The following TXNDC16 variants were observed in gnomAD, a reference collection of about 807,000 sequenced individuals.
TXNDC16 encodes thioredoxin domain containing 16.
Under a neutral mutation model 85.6 loss-of-function variants are expected in TXNDC16, and 74 were observed. That is an observed-to-expected ratio of 0.86 (90% CI 0.72 to 1.05). The LOEUF is 1.05. TXNDC16 is among the 50% of genes least tolerant of loss of function. The probability of loss-of-function intolerance (pLI) is 0.00; values close to 1 mark genes in which losing one functional copy is unlikely to be tolerated. For missense variants in TXNDC16, 959 were observed against 947.0 expected (o/e 1.01, Z -0.17); for synonymous variants, 335 against 326.5 (o/e 1.03, Z -0.28).
At chr14:52,455,295 G>T (rs1188890177) in intron 18 of TXNDC16, 29 bp downstream of exon 18, 2 of 1,611,006 alleles carry the variant, frequency 1.2e-6, no homozygotes, top group Admixed American at 1.7e-5. Context: ...TTTATTTCAA[G>T]TATCACCCTT....
At chr14:52,505,745 G>C (rs527816482) in intron 9 of TXNDC16, among the ~76,000 whole-genome samples, 1 of 152,192 alleles carries the variant, frequency 6.6e-6, no homozygotes, top group African/African-American at 2.4e-5. Context: ...GAAGGAGAGA[G>C]ACACAAAAAA....
intron 16 of TXNDC16, chr14:52,462,761 C>A (rs2035681680): frequency 2.7e-6 from 1 of 365,058 alleles, no homozygotes; most frequent in African/African-American, 2.1e-5. Flanking sequence ...AAATGTACTT[C>A]TAAAGTGTAG....
intron 18 of TXNDC16, among the ~76,000 whole-genome samples, chr14:52,454,762 G>A (rs1459278999): frequency 6.6e-6 from 1 of 151,798 alleles, no homozygotes; most frequent in South Asian, 2.1e-4. Flanking sequence ...GTTGCAGAGA[G>A]CTGAGATCAC....
intron 9 of TXNDC16, among the ~76,000 whole-genome samples, chr14:52,500,381 G>C (rs1201356735): frequency 6.6e-6 from 1 of 152,188 alleles, no homozygotes; most frequent in South Asian, 2.1e-4. Flanking sequence ...ATAACTCAGT[G>C]TATATGTGGT....
intron 9 of TXNDC16, among the ~76,000 whole-genome samples, chr14:52,502,403 A>AATGC (rs1189031538): frequency 2.7e-5 from 4 of 150,690 alleles, no homozygotes; most frequent in Non-Finnish European, 5.9e-5. Context: ...ACAACTCTAC[A>AATGC]AAGTACCATT....
intron 11 of TXNDC16, among the ~76,000 whole-genome samples, chr14:52,489,734 C>T (rs2140153074): frequency 6.6e-6 from 1 of 152,290 alleles, no homozygotes; most frequent in Admixed American, 6.5e-5. Flanking sequence ...AGAACATCAT[C>T]AGCACAACCA....
At chr14:52,505,505 C>T (rs1021088213) in intron 9 of TXNDC16, among the ~76,000 whole-genome samples, 1 of 152,178 alleles carries the variant, frequency 6.6e-6, no homozygotes, top group African/African-American at 2.4e-5. Flanking sequence ...ATAAAGATGT[C>T]TTTGAAACCA....
chr14:52,484,200 G>A (rs992988803), intron 12 of TXNDC16, among the ~76,000 whole-genome samples: 1 of 92,716 alleles, frequency 1.1e-5, no homozygotes, highest in Non-Finnish European at 2.1e-5. Context: ...AAACAATAAG[G>A]GGGGGGGGTG....
chr14:52,455,434 C>A lies in TXNDC16; in HGVS notation c.1732G>T (p.Ala578Ser). The change falls in exon 18 of 21, where the codon GCC becomes TCC. Residue 578 changes from alanine to serine, a missense_variant. Transcript: ENST00000281741. The part of the protein sequence containing the change: ...LSTKYAASLP[A>S]LLLARHTEGK... ...TCTGTGTGTCTGGCAAGCAGCAGGG[C>A]TGGAAGACTTGCAGCATATTTGGTT... 6.2e-7 allele frequency: 1 copy of A among 1,613,974 alleles called. No individual in the cohort carries two copies. Among genetic ancestry groups the A allele is most frequent in the Non-Finnish European group, 8.5e-7 (1 of 1,179,936 alleles).
At chr14:52,522,273 T>C (rs1422527286) in intron 6 of TXNDC16, among the ~76,000 whole-genome samples, 1 of 152,204 alleles carries the variant, frequency 6.6e-6, no homozygotes, top group Non-Finnish European at 1.5e-5. Context: ...CTGGCAAATA[T>C]TTATTAGGTA....
chr14:52,524,031 A>G (rs2037270275), intron 6 of TXNDC16, among the ~76,000 whole-genome samples: 2 of 152,256 alleles, frequency 1.3e-5, no homozygotes, highest in Admixed American at 1.3e-4. Context: ...TTCCCAGTAA[A>G]AAGTATGTCA....
At chr14:52,507,322 A>G (rs574018786) in intron 9 of TXNDC16, among the ~76,000 whole-genome samples, 1 of 152,154 alleles carries the variant, frequency 6.6e-6, no homozygotes, top group South Asian at 2.1e-4. Context: ...CAATTGCTTC[A>G]AAGAGAATAA....
At chr14:52,538,052 T>G (rs2037744106) in intron 4 of TXNDC16, among the ~76,000 whole-genome samples, 1 of 152,176 alleles carries the variant, frequency 6.6e-6, no homozygotes, top group Non-Finnish European at 1.5e-5. Context: ...CCACCCAAAA[T>G]CCATCCTTCC....
chr14:52,454,680 G>A (rs1340699267), intron 18 of TXNDC16, among the ~76,000 whole-genome samples: 1 of 144,946 alleles, frequency 6.9e-6, no homozygotes, highest in Non-Finnish European at 1.5e-5. Context: ...GCCAGGTGTA[G>A]TAGTGAGCGC....
chr14:52,514,865 G>T lies in TXNDC16; in HGVS notation c.605+15C>A. 2 of 1,566,806 alleles carry T rather than the reference G, an allele frequency of 1.3e-6. No individual in the cohort carries two copies. Among genetic ancestry groups the T allele is most frequent in the Non-Finnish European group, 8.7e-7 (1 of 1,153,772 alleles). On this transcript the variant is annotated intron_variant, in intron 8 of 20. Transcript: ENST00000281741. Reference sequence around the variant, plus strand: ...AAAAACCTTTAAATTGTTGACATATGCTTTTTATACATACCCAATACTTTC... The same window carrying T: ...AAAAACCTTTAAATTGTTGACATATTCTTTTTATACATACCCAATACTTTC...
At chr14:52,519,408 A>C in intron 6 of TXNDC16, 115 bp from the exon 7 acceptor site, 3 of 734,842 alleles carry the variant, frequency 4.1e-6, no homozygotes, top group South Asian at 2.0e-5. Flanking sequence ...ATAAATTATC[A>C]GTAGTAATAA....
Position 52,462,488 on chromosome 14 carries a change from T to C in TXNDC16, c.1619-5314A>G, listed in dbSNP as rs554594345. 5.3e-5 allele frequency among the ~76,000 whole-genome samples: 8 copies of C among 152,350 alleles called. No individual in the cohort carries two copies. The East Asian group carries it at 1.5e-3, about 29-fold the overall frequency. The stretch of plus-strand genomic sequence containing the variant: ...TGCCACCATGCCTGGCTAATTTTTG[T>C]ATTTTTAGTAGAGACAGGGTTTCAC... On this transcript the variant is annotated intron_variant, in intron 16 of 20. Coordinates refer to ENST00000281741, the MANE Select transcript of TXNDC16 (RefSeq NM_020784.3).
At chr14:52,486,037 A>G (rs716558) in intron 12 of TXNDC16, among the ~76,000 whole-genome samples, 22,160 of 152,046 alleles carry the variant, frequency 0.15, 1,665 homozygotes, top group African/African-American at 0.16. Context: ...ACCAAATTCC[A>G]TGACACTAAA....
chr14:52,438,004 A>G (rs1481763250), intron 20 of TXNDC16, among the ~76,000 whole-genome samples: 1 of 152,196 alleles, frequency 6.6e-6, no homozygotes, highest in East Asian at 1.9e-4. Flanking sequence ...CAGATGGGGT[A>G]TAAATAACAA....
Sources: allele counts gnomAD v4.1 joint callset (sites outside exome capture counted in the v4.1 genomes callset), GRCh38; gene constraint gnomAD v4.1.1; transcripts MANE v1.5; gene names NCBI Gene and HGNC (gene_info 2026-07-23, HGNC 2026-07-21).